The following MTMR2 variants were observed in gnomAD, a reference collection of about 807,000 sequenced individuals.
The protein encoded by MTMR2 is phosphatidylinositol-3,5-bisphosphate 3-phosphatase MTMR2.
Under a neutral mutation model 86.9 loss-of-function variants are expected in MTMR2, and 55 were observed. The observed-to-expected ratio is 0.63, with a 90% CI of 0.51 to 0.79. The LOEUF is 0.79. Ranked by LOEUF, MTMR2 falls within the 30% of genes least tolerant of loss-of-function variation. The pLI is 0.00. For missense variants in MTMR2, 659 were observed against 772.3 expected, an observed-to-expected ratio of 0.85 and a Z score of 1.74; for synonymous variants, 241 against 266.8, an observed-to-expected ratio of 0.90 and a Z score of 0.94.
intron 2 of MTMR2, among the ~76,000 whole-genome samples, chr11:95,875,197 A>G (rs1865058823): frequency 6.6e-6 from 1 of 152,152 alleles, no homozygotes; most frequent in Non-Finnish European, 1.5e-5. Flanking sequence ...ATGTTTTCCA[A>G]CTTGGTTCCA....
Position 95,835,308 on chromosome 11 carries a change from A to G in MTMR2, c.1914T>C (p.Pro638=). ...RASSPAQCVT[P]VQTVV The stretch of plus-strand genomic sequence containing the variant: ...CAGTCCTTTATACAACAGTTTGGAC[A>G]GGAGTGACACACTGTGCAGGAGAGC... Residue 638 remains proline, a synonymous_variant, in exon 15 of 15, where the codon CCT becomes CCC. Coordinates refer to ENST00000346299, the MANE Select transcript of MTMR2 (RefSeq NM_016156.6). The G allele has an allele frequency of 6.2e-7, 1 of 1,612,962 alleles. No individual in the cohort carries two copies. Among genetic ancestry groups the G allele is most frequent in the Non-Finnish European group, 8.5e-7 (1 of 1,179,224 alleles).
chr11:95,908,063 T>A (rs1201095604), intron 1 of MTMR2, among the ~76,000 whole-genome samples: 2 of 151,984 alleles, frequency 1.3e-5, no homozygotes, highest in Non-Finnish European at 2.9e-5. Flanking sequence ...AACTATCTGT[T>A]TACAGATGAT....
chr11:95,865,030 A>G (rs1034008466), intron 3 of MTMR2, among the ~76,000 whole-genome samples: 2 of 152,296 alleles, frequency 1.3e-5, no homozygotes, highest in Admixed American at 1.3e-4. Flanking sequence ...AAAAAAACAC[A>G]GCTTGTAAGC....
rs147598603 is a variant in MTMR2 at position 95,904,997 on chromosome 11, A to T, written c.81-16736T>A. On this transcript the variant is annotated intron_variant, in intron 1 of 14. Coordinates refer to ENST00000346299, the MANE Select transcript of MTMR2 (RefSeq NM_016156.6). ...TCATCAATAATCTCCACTTTGCTAAACCTGTTAATACTTCCTCCTCATCTA... is the reference window on the plus strand; with the variant it reads ...TCATCAATAATCTCCACTTTGCTAATCCTGTTAATACTTCCTCCTCATCTA... Among the ~76,000 whole-genome samples the T allele has an allele frequency of 3.2e-3, 490 of 152,222 alleles. 2 individuals are homozygous for T. Among genetic ancestry groups the T allele is most frequent in the African/African-American group, 0.011 (456 of 41,520 alleles).
Position 95,876,134 on chromosome 11 carries a change from C to T in MTMR2, c.187-10458G>A, listed in dbSNP as rs1251847605. Among the ~76,000 whole-genome samples the T allele has an allele frequency of 3.3e-5, 5 of 152,210 alleles. 1 individual carries two copies. In the South Asian group the frequency reaches 8.3e-4, roughly 25 times the overall value. ...CACTACTCTCTTCAAAGCTGTCAGA[C>T]AGGGACATTTAAGTCTGCAGAGGTT... On this transcript the variant is annotated intron_variant, in intron 2 of 14. Coordinates refer to ENST00000346299, the MANE Select transcript of MTMR2 (RefSeq NM_016156.6).
chr11:95,863,730 C>A (rs572442112), intron 3 of MTMR2, among the ~76,000 whole-genome samples: 2 of 152,228 alleles, frequency 1.3e-5, no homozygotes, highest in South Asian at 4.1e-4. Context: ...TTTTCTGTTA[C>A]ATCTTCCCCT....
intron 1 of MTMR2, among the ~76,000 whole-genome samples, chr11:95,891,675 G>A (rs1865719304): frequency 1.3e-5 from 2 of 152,130 alleles, no homozygotes; most frequent in African/African-American, 4.8e-5. Context: ...ATGATCCACA[G>A]TGTTATAGTT....
Position 95,862,110 on chromosome 11 carries a change from A to G in MTMR2, c.358-8T>C, listed in dbSNP as rs755927945. On this transcript the variant is annotated splice_polypyrimidine_tract_variant and splice_region_variant and intron_variant, in intron 4 of 14. Coordinates refer to ENST00000346299, the MANE Select transcript of MTMR2 (RefSeq NM_016156.6). ...TAAAACAAATGGGGGATCCTAAAGA[A>G]GGAAAGAAAAAATAATTAAAACTGA... 1.4e-5 allele frequency: 23 copies of G among 1,607,568 alleles called. No homozygotes were observed. The highest frequency in any genetic ancestry group is 1.9e-5 in the Non-Finnish European group (22 of 1,174,228).
chr11:95,897,069 T>G (rs1385726434), intron 1 of MTMR2, among the ~76,000 whole-genome samples: 3 of 152,074 alleles, frequency 2.0e-5, no homozygotes, highest in African/African-American at 4.8e-5. Flanking sequence ...ACACTGTCAC[T>G]CTGTGAAAAG....
chr11:95,903,956 T>C (rs1351782895), intron 1 of MTMR2, among the ~76,000 whole-genome samples: 2 of 151,708 alleles, frequency 1.3e-5, no homozygotes, highest in African/African-American at 2.4e-5. Context: ...CTACTAAAAA[T>C]ACAAAAAAAT....
chr11:95,889,203 C>T (rs1003743932), intron 1 of MTMR2, among the ~76,000 whole-genome samples: 7 of 151,456 alleles, frequency 4.6e-5, no homozygotes, highest in African/African-American at 1.2e-4. Flanking sequence ...GTGCGATCTC[C>T]GGTCACTGCA....
intron 2 of MTMR2, among the ~76,000 whole-genome samples, chr11:95,869,137 CA>C (rs1864753290): frequency 6.6e-6 from 1 of 151,442 alleles, no homozygotes; most frequent in Non-Finnish European, 1.5e-5. Context: ...TTTCACCATT[CA>C]TGTTATTAAC....
At chr11:95,861,102 G>A (rs929630476) in intron 5 of MTMR2, among the ~76,000 whole-genome samples, 15 of 150,674 alleles carry the variant, frequency 1.0e-4, no homozygotes, top group Non-Finnish European at 1.5e-4. Flanking sequence ...GGAGCTTGCA[G>A]TGAGCTGAGA....
chr11:95,836,079 G>T, intron 14 of MTMR2, 69 bp downstream of exon 14: 1 of 1,417,944 alleles, frequency 7.1e-7, no homozygotes, highest in Non-Finnish European at 1.0e-6. Context: ...AATCTTTCCA[G>T]CTGCTTTTAA....
intron 2 of MTMR2, among the ~76,000 whole-genome samples, chr11:95,878,790 G>T (rs943339532): frequency 2.6e-5 from 4 of 151,930 alleles, no homozygotes; most frequent in African/African-American, 4.8e-5. Context: ...ATAAATGATG[G>T]TTCATAATAG....
intron 1 of MTMR2, among the ~76,000 whole-genome samples, chr11:95,894,504 G>A (rs538265741): frequency 6.6e-5 from 10 of 152,148 alleles, no homozygotes; most frequent in South Asian, 2.1e-4. Context: ...AAATTATAAC[G>A]GCAAAAGTTC....
At chr11:95,842,532 A>G (rs1469957237) in intron 11 of MTMR2, among the ~76,000 whole-genome samples, 1 of 152,206 alleles carries the variant, frequency 6.6e-6, no homozygotes, top group Non-Finnish European at 1.5e-5. Flanking sequence ...TCATCTACCT[A>G]GTTTCTCAGT....
At chr11:95,875,319 T>G (rs548809144) in intron 2 of MTMR2, among the ~76,000 whole-genome samples, 18 of 152,342 alleles carry the variant, frequency 1.2e-4, no homozygotes, top group Admixed American at 7.2e-4. Context: ...TTCTCTAAAC[T>G]TCTCTTCTCG....
In MTMR2 at chr11:95,834,006, T is replaced by A. The variant is rs1863140665; in HGVS notation, c.*1284A>T. 3 of 152,330 alleles carry A rather than the reference T, an allele frequency of 2.0e-5. No homozygotes were observed. The highest frequency in any genetic ancestry group is 4.4e-5 in the Non-Finnish European group (3 of 67,972). The allele number at this position is 152,330 out of a possible 1,614,324, so 9.4% of individuals were successfully genotyped here. A position where few individuals can be genotyped will look rare whatever the true frequency, so the allele number is the denominator to read the frequency against. ...AGGAAAAATGGGTACAAACTGAACA[T>A]TTTCATCTGGGGTGCATATTCCTCC... On this transcript the variant is annotated 3_prime_UTR_variant, in exon 15 of 15. Coordinates refer to ENST00000346299, the MANE Select transcript of MTMR2 (RefSeq NM_016156.6).
Sources: gnomAD v4.1 joint callset for allele counts (sites outside exome capture counted in the v4.1 genomes callset) on GRCh38, gnomAD v4.1.1 for gene constraint, MANE v1.5 for transcripts, NCBI Gene and HGNC (gene_info 2026-07-23, HGNC 2026-07-21) for gene names.